ORC2: variants seen among roughly 807,000 people sequenced by gnomAD.
ORC2 encodes the protein origin recognition complex protein 2 homolog.
ORC2 carries 37 observed loss-of-function variants against 77.7 expected under a neutral mutation model. The ratio of observed to expected loss-of-function variants is 0.48; its 90% CI spans 0.37 to 0.63. The LOEUF (loss-of-function observed/expected upper bound fraction) is 0.63, where lower values mean the gene tolerates loss of function less well. Among genes scored for constraint, ORC2 ranks in the 20% least tolerant of loss-of-function variants. The pLI, the probability that ORC2 is intolerant of heterozygous loss-of-function variation, is 0.00. For synonymous variants in ORC2, 201 were observed against 229.5 expected, an observed-to-expected ratio of 0.88 and a Z score of 1.12; for missense variants, 557 against 661.9, an observed-to-expected ratio of 0.84 and a Z score of 1.74.
chr2:200,916,270 GTCAAGAGTTCAAGACCAGCC>G (rs1394892736), intron 15 of ORC2, among the ~76,000 whole-genome samples: 1 of 152,062 alleles, frequency 6.6e-6, no homozygotes, highest in African/African-American at 2.4e-5. Flanking sequence ...ATCACTTGAG[GTCAAGAGTTCAAGACCAGCC>G]TGCCCAACAT....
At chr2:200,930,868 T>C (rs961434934) in intron 11 of ORC2, among the ~76,000 whole-genome samples, 1 of 152,194 alleles carries the variant, frequency 6.6e-6, no homozygotes, top group Non-Finnish European at 1.5e-5. Context: ...TAGGAAATAA[T>C]GTTAAAATAG....
chr2:200,927,434 C>T (rs1021058780), intron 11 of ORC2, among the ~76,000 whole-genome samples: 2 of 151,240 alleles, frequency 1.3e-5, no homozygotes, highest in African/African-American at 2.4e-5. Context: ...GTGGCTCACG[C>T]CTGTAATCCC....
intron 5 of ORC2, among the ~76,000 whole-genome samples, chr2:200,943,348 T>C (rs1444514909): frequency 6.6e-6 from 1 of 152,124 alleles, no homozygotes; most frequent in Non-Finnish European, 1.5e-5. Context: ...GGCCATTTTA[T>C]TTTTACTTTA....
At position 200,935,728 on chromosome 2, in the gene ORC2, G is replaced by T; in HGVS notation, c.679C>A (p.Pro227Thr). Residue 227 changes from proline to threonine, a missense_variant, in exon 9 of 18, where the codon CCT (proline) becomes ACT (threonine). By Grantham distance (38) the Pro-to-Thr change is conservative (BLOSUM62 -1). Transcript: ENST00000234296. The part of the protein sequence containing the change: ...VVSAPVGKET[P>T]SKRMKRDKTS... Reference sequence around the variant, plus strand: ...TTATCTCTTTTCATTCTCTTAGAAGGTGTTTCTTTGCCAACAGGAGCTGAA... The same window carrying T: ...TTATCTCTTTTCATTCTCTTAGAAGTTGTTTCTTTGCCAACAGGAGCTGAA... The T allele has an allele frequency of 1.9e-6, 3 of 1,612,080 alleles. No individual in the cohort carries two copies.
At chr2:200,954,280 C>T (rs1325537193) in intron 4 of ORC2, among the ~76,000 whole-genome samples, 2 of 152,064 alleles carry the variant, frequency 1.3e-5, no homozygotes, top group African/African-American at 2.4e-5. Context: ...GCGATCCACC[C>T]GCCTTGGCCT....
chr2:200,955,373 C>A (rs1305839272), intron 4 of ORC2, among the ~76,000 whole-genome samples: 2 of 152,152 alleles, frequency 1.3e-5, no homozygotes, highest in East Asian at 3.8e-4. Context: ...TAACTCTATA[C>A]ATGGAGTATA....
chr2:200,913,585 C>T (rs1312751381), intron 16 of ORC2, 172 bp from the exon 17 acceptor site: 4 of 1,295,486 alleles, frequency 3.1e-6, no homozygotes, highest in Non-Finnish European at 3.9e-6. Context: ...GAGAGCAGAA[C>T]AATTATTAAA....
In ORC2 at chr2:200,909,491, G is replaced by A. The variant is rs935295360; in HGVS notation, c.*1810C>T. ...GGAGGCCGAGGCAGGATCACTTGAG[G>A]TCAGGAATTCGAGACCAGCCTGGCC... On this transcript the variant is annotated 3_prime_UTR_variant, in exon 18 of 18. Transcript: ENST00000234296. The A allele has an allele frequency of 1.3e-5, 2 of 152,058 alleles. No individual in the cohort carries two copies. Among genetic ancestry groups the A allele is most frequent in the African/African-American group, 4.8e-5 (2 of 41,370 alleles). The allele number at this position is 152,058 out of a possible 1,614,324, so 9.4% of individuals were successfully genotyped here.
At chr2:200,938,824 G>A (rs1301875527) in intron 7 of ORC2, among the ~76,000 whole-genome samples, 1 of 152,150 alleles carries the variant, frequency 6.6e-6, no homozygotes, top group Non-Finnish European at 1.5e-5. Context: ...CAGATCACCT[G>A]AGGTCGGGAG....
At position 200,963,572 on chromosome 2, in the gene ORC2, A is replaced by T. The variant is rs1051351929; in HGVS notation, c.-142T>A. The T allele has an allele frequency of 7.5e-6, 3 of 398,434 alleles. No individual in the cohort carries two copies. Among genetic ancestry groups the T allele is most frequent in the Non-Finnish European group, 1.3e-5 (3 of 226,006 alleles). 24.7% of individuals were successfully genotyped at this position (398,434 alleles called of 1,614,324 possible). On this transcript the variant is annotated 5_prime_UTR_variant, in exon 1 of 18. Transcript: ENST00000234296. ...GCTGAGTCGCCGCCGCAGGGAAGGT[A>T]CCTTCGGCCCCAACGGGAAAAGCCA... is the stretch of plus-strand genomic sequence containing the variant.
chr2:200,940,447 T>C (rs984146050), intron 7 of ORC2, among the ~76,000 whole-genome samples: 4 of 152,178 alleles, frequency 2.6e-5, no homozygotes, highest in Admixed American at 2.0e-4. Flanking sequence ...GCTTTGCATA[T>C]ATGGCCCTTT....
rs1302034744 is a variant in ORC2 at position 200,913,284 on chromosome 2, T to A, written c.1647+11A>T. 1 of 1,575,704 alleles carries A rather than the reference T, an allele frequency of 6.3e-7. No individual in the cohort carries two copies. Among genetic ancestry groups the A allele is most frequent in the Non-Finnish European group, 8.7e-7 (1 of 1,154,402 alleles). On this transcript the variant is annotated intron_variant, in intron 17 of 17. Transcript: ENST00000234296. ...TTCCTGGCATACAATGCTACAATAG[T>A]GGAGTCTTACCTTCTTTGTTCTTAT...
In ORC2 at chr2:200,909,263, G is replaced by A. The variant is rs552301058; in HGVS notation, c.*2038C>T. On this transcript the variant is annotated 3_prime_UTR_variant, in exon 18 of 18. Coordinates refer to ENST00000234296, the MANE Select transcript of ORC2 (RefSeq NM_006190.5). ...TATCTGGAAGAATACTTAAGAAAAT[G>A]CTATCAGTGGTTGCCTAAAGAACTG... is the stretch of plus-strand genomic sequence containing the variant. 6.6e-6 allele frequency: 1 copy of A among 152,316 alleles called. No homozygotes were observed. The highest frequency in any genetic ancestry group is 2.1e-4 in the South Asian group (1 of 4,830). 9.4% of individuals were successfully genotyped at this position (152,316 alleles called of 1,614,324 possible).
chr2:200,927,483 A>G (rs1262233972), intron 11 of ORC2, among the ~76,000 whole-genome samples: 1 of 151,020 alleles, frequency 6.6e-6, no homozygotes, highest in Non-Finnish European at 1.5e-5. Flanking sequence ...TCACGAGGTC[A>G]GGAGATCGAG....
At chr2:200,924,503 C>T (rs1474171369) in intron 13 of ORC2, among the ~76,000 whole-genome samples, 6 of 152,076 alleles carry the variant, frequency 3.9e-5, no homozygotes, top group Admixed American at 6.6e-5. Context: ...AAAAGTACTA[C>T]GGAACAGAGC....
rs2040935550 is a variant in ORC2 at position 200,931,365 on chromosome 2, T to C, written c.891A>G (p.Leu297=). The C allele has an allele frequency of 6.7e-7, 1 of 1,488,158 alleles. No individual in the cohort carries two copies. The highest frequency in any genetic ancestry group is 9.0e-7 in the Non-Finnish European group (1 of 1,105,958). 92.2% of individuals were successfully genotyped at this position (1,488,158 alleles called of 1,614,324 possible). The change falls in exon 11 of 18, where the codon TTA becomes TTG. Residue 297 remains leucine (L), a synonymous_variant. Transcript: ENST00000234296. ...GTAATTGCAGCATCCATTTATGAAA[T>C]AATTTTTCATACTGTTGATTTAGTT... ...LKQLNQQYEK[L]FHKWMLQLHL...
In ORC2 at chr2:200,911,170, C is replaced by A; in HGVS notation, c.*131G>T. 1 of 631,406 alleles carries A rather than the reference C, an allele frequency of 1.6e-6. No individual in the cohort carries two copies. Among genetic ancestry groups the A allele is most frequent in the Non-Finnish European group, 2.9e-6 (1 of 350,626 alleles). The allele number at this position is 631,406 out of a possible 1,614,324, so 39.1% of individuals were successfully genotyped here. On this transcript the variant is annotated 3_prime_UTR_variant, in exon 18 of 18. Transcript: ENST00000234296. ...AAAAGTTCTAATTGAGGACATCCCC[C>A]CCTTCCCAAATTTAAATCTTGTATG...
intron 5 of ORC2, among the ~76,000 whole-genome samples, chr2:200,945,292 A>T (rs1052666872): frequency 1.3e-5 from 2 of 152,228 alleles, no homozygotes; most frequent in Admixed American, 6.5e-5. Flanking sequence ...ATGGTGGCTC[A>T]AGCCTATAAT....
chr2:200,913,526 C>T, intron 16 of ORC2, 113 bp from the exon 17 acceptor site: 8 of 1,400,112 alleles, frequency 5.7e-6, no homozygotes, highest in Non-Finnish European at 6.5e-6. Flanking sequence ...TATCCCAGAG[C>T]AGTGAACAAG....
Sources: gnomAD v4.1 joint callset for allele counts (sites outside exome capture counted in the v4.1 genomes callset) on GRCh38, gnomAD v4.1.1 for gene constraint, MANE v1.5 for transcripts, NCBI Gene and HGNC (gene_info 2026-07-23, HGNC 2026-07-21) for gene names.